Variants in ICE2 observed in about 807,000 individuals in gnomAD.
ICE2 encodes the protein little elongation complex subunit 2.
In ICE2, 87 loss-of-function variants were observed where a neutral mutation model predicts 105.4. The observed-to-expected ratio is 0.83, with a 90% CI of 0.69 to 0.99. The LOEUF (loss-of-function observed/expected upper bound fraction) is 0.99, where lower values mean the gene tolerates loss of function less well. ICE2 is among the 50% of genes least tolerant of loss of function. The pLI, the probability that ICE2 is intolerant of heterozygous loss-of-function variation, is 0.00. For synonymous variants in ICE2, 399 were observed against 392.0 expected (o/e 1.02, Z -0.21); for missense variants, 1,323 against 1,146.7 (o/e 1.15, Z -2.22).
intron 3 of ICE2, 30 bp downstream of exon 3, chr15:60,476,033 T>C (rs1432675165): frequency 7.2e-7 from 1 of 1,392,274 alleles, no homozygotes; most frequent in Non-Finnish European, 9.9e-7. Flanking sequence ...CCATCAAATA[T>C]GGAAATAAAT....
intron 15 of ICE2, among the ~76,000 whole-genome samples, chr15:60,427,452 G>A (rs571357856): frequency 2.6e-5 from 4 of 152,206 alleles, no homozygotes; most frequent in Middle Eastern, 3.4e-3. Flanking sequence ...ACAGAGTCTC[G>A]TTCTGTAGCC....
rs989187698 is a variant in ICE2, at chr15:60,479,101, T to C, written c.-191A>G. 6.8e-6 allele frequency: 3 copies of C among 439,018 alleles called. No homozygotes were observed. The highest frequency in any genetic ancestry group is 1.4e-5 in the Non-Finnish European group (3 of 213,982). 27.2% of individuals were successfully genotyped at this position (439,018 alleles called of 1,614,324 possible). A position where few individuals can be genotyped will look rare whatever the true frequency, so the allele number is the denominator to read the frequency against. On this transcript the variant is annotated 5_prime_UTR_variant, in exon 1 of 16. Coordinates refer to ENST00000261520, the MANE Select transcript of ICE2 (RefSeq NM_024611.6). ...TCGCGCGCGCCCAAAAAAGACCATATTTAAAGGATGTGGCCGCGCCGACTC... is the reference window on the plus strand; with the variant it reads ...TCGCGCGCGCCCAAAAAAGACCATACTTAAAGGATGTGGCCGCGCCGACTC...
At position 60,448,936 on chromosome 15, in the gene ICE2, A is replaced by C. The variant is rs772400070; in HGVS notation, c.2031T>G (p.Pro677=). ...PLMNLENSKQ[P]SVSEQLSGPS... ...GACCAGACAATTGCTCAGAAACAGA[A>C]GGCTGTTTAGAATTTTCTAAATTCA... Residue 677 remains proline, a synonymous_variant, in exon 10 of 16, where the codon CCT becomes CCG. Transcript: ENST00000261520. 1 of 1,613,792 alleles carries C rather than the reference A, an allele frequency of 6.2e-7. No homozygotes were observed. The highest frequency in any genetic ancestry group is 1.3e-5 in the African/African-American group (1 of 74,936).
At chr15:60,446,236 T>C (rs1163206474) in intron 11 of ICE2, among the ~76,000 whole-genome samples, 4 of 152,206 alleles carry the variant, frequency 2.6e-5, no homozygotes, top group Non-Finnish European at 4.4e-5. Flanking sequence ...CTTCGTTCTA[T>C]TTAACAAAAG....
In ICE2 at chr15:60,449,958, C is replaced by G. The variant is rs75592960; in HGVS notation, c.1126-117G>C. 2.4e-3 allele frequency: 1,797 copies of G among 756,008 alleles called. 29 individuals are homozygous for G. The African/African-American group carries it at 0.029, about 12-fold the overall frequency. 46.8% of individuals were successfully genotyped at this position (756,008 alleles called of 1,614,324 possible). Reference sequence around the variant, plus strand: ...GCTCTTTTAAAGTAGAAAGAAAAGTCTAATGGTTGTAAAAGGTTCTTGTTT... The same window carrying G: ...GCTCTTTTAAAGTAGAAAGAAAAGTGTAATGGTTGTAAAAGGTTCTTGTTT... On this transcript the variant is annotated intron_variant, in intron 9 of 15. Transcript: ENST00000261520.
At chr15:60,425,452 G>T (rs1288621567) in intron 15 of ICE2, among the ~76,000 whole-genome samples, 1 of 152,188 alleles carries the variant, frequency 6.6e-6, no homozygotes, top group African/African-American at 2.4e-5. Context: ...GTTTATTACA[G>T]AAGATGTAGA....
chr15:60,425,238 G>A (rs567665836), intron 15 of ICE2, among the ~76,000 whole-genome samples: 5 of 152,140 alleles, frequency 3.3e-5, no homozygotes, highest in Non-Finnish European at 7.3e-5. Context: ...AGATTTGTCT[G>A]TGTGAATCTG....
Position 60,473,753 on chromosome 15 carries a change from CAAAT to C in ICE2, c.146+2306_146+2309del, listed in dbSNP as rs199911804. Among the ~76,000 whole-genome samples, 981 of 152,194 alleles carry C rather than the reference CAAAT, an allele frequency of 6.4e-3. 8 individuals carry two copies. Among genetic ancestry groups the C allele is most frequent in the African/African-American group, 0.023 (953 of 41,518 alleles). On this transcript the variant is annotated intron_variant, in intron 3 of 15. Coordinates refer to ENST00000261520, the MANE Select transcript of ICE2 (RefSeq NM_024611.6). ...TCAAAAAACTTTACAAGTTGAATAA[CAAAT>C]AGTTTTTAAAAATATCCATAAATGT...
rs527631052 is a variant in ICE2 at position 60,424,943 on chromosome 15, C to G, written c.2821-1181G>C. Among the ~76,000 whole-genome samples the G allele has an allele frequency of 2.4e-4, 37 of 152,340 alleles. 1 individual carries two copies. Among genetic ancestry groups the G allele is most frequent in the African/African-American group, 8.4e-4 (35 of 41,584 alleles). ...TAGCCTGAAACTATTTCCACAGAAC[C>G]TGCCCATATCTGCCTTTATTTTCCC... On this transcript the variant is annotated intron_variant, in intron 15 of 15. Transcript: ENST00000261520.
At chr15:60,452,851 C>G in intron 9 of ICE2, 1 of 985,234 alleles carries the variant, frequency 1.0e-6, no homozygotes, top group Non-Finnish European at 1.2e-6. Flanking sequence ...CACATAGCTA[C>G]TAAGTATACT....
intron 13 of ICE2, among the ~76,000 whole-genome samples, chr15:60,432,186 T>C (rs1204070540): frequency 1.4e-5 from 2 of 144,992 alleles, no homozygotes; most frequent in African/African-American, 5.1e-5. Flanking sequence ...ATTTCCTTTT[T>C]TTTTTTTTTT....
At chr15:60,431,704 G>GA (rs1169390399) in intron 14 of ICE2, among the ~76,000 whole-genome samples, 20 of 152,182 alleles carry the variant, frequency 1.3e-4, no homozygotes, top group African/African-American at 4.6e-4. Context: ...AGCTGCAATA[G>GA]AAAAATAACA....
rs765281051 is a variant in ICE2, at chr15:60,477,159, C to T, written c.41+778G>A. ...TGGTAAAATTAGAAAGTCTTATTTG[C>T]TATGCATCAGTATAGTTTCTTATTA... is the stretch of plus-strand genomic sequence containing the variant. On this transcript the variant is annotated intron_variant, in intron 2 of 15. Coordinates refer to ENST00000261520, the MANE Select transcript of ICE2 (RefSeq NM_024611.6). Among the ~76,000 whole-genome samples the T allele has an allele frequency of 1.5e-4, 23 of 152,288 alleles. No individual in the cohort carries two copies. The East Asian group carries it at 3.5e-3, about 23-fold the overall frequency.
chr15:60,423,900 C>A, intron 15 of ICE2, 138 bp from the exon 16 acceptor site: 2 of 725,116 alleles, frequency 2.8e-6, no homozygotes, highest in Non-Finnish European at 3.9e-6. Flanking sequence ...AGCTAGCTGG[C>A]TGTTTCTAAA....
intron 3 of ICE2, among the ~76,000 whole-genome samples, chr15:60,473,586 G>A (rs752546056): frequency 1.3e-5 from 2 of 151,878 alleles, no homozygotes; most frequent in South Asian, 2.1e-4. Context: ...AGCCACCTAC[G>A]CCTGACCTGA....
chr15:60,439,298 G>T (rs2063667192), intron 12 of ICE2: 1 of 152,188 alleles, frequency 6.6e-6, no homozygotes, highest in Non-Finnish European at 1.5e-5. Flanking sequence ...TTTTCTTCAT[G>T]AAACGTTAAT....
intron 15 of ICE2, among the ~76,000 whole-genome samples, chr15:60,426,656 G>C (rs2063345301): frequency 6.6e-6 from 1 of 152,112 alleles, no homozygotes; most frequent in Non-Finnish European, 1.5e-5. Context: ...AATAAGGAAA[G>C]TATATTACTC....
intron 13 of ICE2, among the ~76,000 whole-genome samples, chr15:60,433,408 C>G (rs2063506591): frequency 6.6e-6 from 1 of 151,756 alleles, no homozygotes; most frequent in Non-Finnish European, 1.5e-5. Context: ...TAAAAAATTT[C>G]TTTAGTAGTT....
chr15:60,437,019 G>A (rs536861348), intron 12 of ICE2, among the ~76,000 whole-genome samples: 5 of 151,984 alleles, frequency 3.3e-5, no homozygotes, highest in East Asian at 1.9e-4. Context: ...TTGGGAGGCC[G>A]AGGCGGGCAG....
Sources: allele counts gnomAD v4.1 joint callset (sites outside exome capture counted in the v4.1 genomes callset), GRCh38; gene constraint gnomAD v4.1.1; transcripts MANE v1.5; gene names NCBI Gene and HGNC (gene_info 2026-07-23, HGNC 2026-07-21).